CELF2: variants seen among roughly 807,000 people sequenced by gnomAD.
The protein encoded by CELF2 is CUG triplet repeat RNA-binding protein 2.
Under a neutral mutation model 62.6 loss-of-function variants are expected in CELF2, and 8 were observed. That is an observed-to-expected ratio of 0.13 (90% CI 0.07 to 0.23). CELF2 has a LOEUF of 0.23. CELF2 is among the 10% of genes least tolerant of loss of function. The probability of loss-of-function intolerance (pLI) is 1.00; values close to 1 mark genes in which losing one functional copy is unlikely to be tolerated. For synonymous variants in CELF2, 258 were observed against 250.0 expected, an observed-to-expected ratio of 1.03 and a Z score of -0.30; for missense variants, 333 against 671.0, an observed-to-expected ratio of 0.50 and a Z score of 5.56.
the CELF2 span, among the ~76,000 whole-genome samples, chr10:10,516,535 C>T: frequency 6.6e-6 from 1 of 152,062 alleles, no homozygotes; most frequent in South Asian, 2.1e-4. Flanking sequence ...ACAGTCAATT[C>T]GGCAGCACAG....
the CELF2 span, among the ~76,000 whole-genome samples, chr10:10,700,388 A>C: frequency 9.3e-3 from 1,422 of 152,284 alleles, 8 homozygotes; most frequent in East Asian, 0.019. Context: ...GATGCGCCAT[A>C]CCAAAATACA....
intron 1 of CELF2, among the ~76,000 whole-genome samples, chr10:11,151,457 T>C (rs1315195901): frequency 6.6e-6 from 1 of 152,222 alleles, no homozygotes; most frequent in Non-Finnish European, 1.5e-5. Flanking sequence ...TTGTATTGTT[T>C]TTATTTTGTC....
chr10:10,802,738 T>C (rs1467900434), intron 1 of CELF2, among the ~76,000 whole-genome samples: 1 of 152,192 alleles, frequency 6.6e-6, no homozygotes, highest in Admixed American at 6.5e-5. Context: ...TAGAACTCAT[T>C]AGCACTGCAA....
chr10:11,122,707 C>T (rs1411612090), intron 1 of CELF2, among the ~76,000 whole-genome samples: 2 of 152,208 alleles, frequency 1.3e-5, no homozygotes, highest in Non-Finnish European at 2.9e-5. Context: ...GAAAGAAATT[C>T]TCATGCATAA....
chr10:11,268,651 T>G lies in CELF2; in HGVS notation c.618+1974T>G, dbSNP rs1030916200. 6.6e-6 allele frequency among the ~76,000 whole-genome samples: 1 copy of G among 152,152 alleles called. No individual in the cohort carries two copies. The highest frequency in any genetic ancestry group is 2.4e-5 in the African/African-American group (1 of 41,424). Reference sequence around the variant, plus strand: ...CAAATTTGGTGTTTAAAACTGGACATTCATGCTTACACAGAGGGGTCCTCT... The same window carrying G: ...CAAATTTGGTGTTTAAAACTGGACAGTCATGCTTACACAGAGGGGTCCTCT... On this transcript the variant is annotated intron_variant, in intron 6 of 12. Transcript: ENST00000633077. This position sits in a 1 kb window ranked among gnomAD's most constrained non-coding sequence, Gnocchi z 4.7.
chr10:10,483,088 G>A, the CELF2 span, among the ~76,000 whole-genome samples: 1 of 151,864 alleles, frequency 6.6e-6, no homozygotes, highest in Non-Finnish European at 1.5e-5. Context: ...AACCATAAGT[G>A]GTAAAAACTT....
chr10:10,496,270 GACTATT>G, the CELF2 span, among the ~76,000 whole-genome samples: 26 of 152,290 alleles, frequency 1.7e-4, no homozygotes, highest in African/African-American at 5.3e-4. Context: ...ACTGTTGAAA[GACTATT>G]ATATCTAAGC....
intron 3 of CELF2, among the ~76,000 whole-genome samples, chr10:11,245,643 G>C (rs115259844): frequency 6.6e-6 from 1 of 152,188 alleles, no homozygotes; most frequent in South Asian, 2.1e-4. Context: ...AGAGTCTTAC[G>C]GCAGCACAAG....
the CELF2 span, among the ~76,000 whole-genome samples, chr10:10,755,165 A>G: frequency 2.2e-3 from 338 of 152,366 alleles, 2 homozygotes; most frequent in African/African-American, 7.5e-3. Context: ...AAAAATCTCT[A>G]TCTTAGTAGA....
chr10:10,749,741 A>C, the CELF2 span, among the ~76,000 whole-genome samples: 1 of 152,274 alleles, frequency 6.6e-6, no homozygotes, highest in Non-Finnish European at 1.5e-5. Flanking sequence ...AAAGACTGGA[A>C]GCAAATTAGT....
chr10:10,730,837 C>T, the CELF2 span, among the ~76,000 whole-genome samples: 1 of 152,174 alleles, frequency 6.6e-6, no homozygotes, highest in African/African-American at 2.4e-5. Context: ...AGTTGTCCAA[C>T]CCTCTCTCAG....
chr10:10,678,242 T>C, the CELF2 span, among the ~76,000 whole-genome samples: 1 of 152,070 alleles, frequency 6.6e-6, no homozygotes, highest in Non-Finnish European at 1.5e-5. Context: ...TGTTTTATGG[T>C]CAAGAAATTA....
Position 11,302,772 on chromosome 10 carries a change from C to T in CELF2, c.977-11367C>T, listed in dbSNP as rs1476794151. Among the ~76,000 whole-genome samples, 5 of 152,128 alleles carry T rather than the reference C, an allele frequency of 3.3e-5. No individual in the cohort carries two copies. The highest frequency in any genetic ancestry group is 6.5e-5 in the Admixed American group (1 of 15,276). ...TGTATTTATGTCGATCCTTTGTTCT[C>T]GGGTCTCTAAATTGACATGAGATTT... On this transcript the variant is annotated intron_variant, in intron 9 of 12. Coordinates refer to ENST00000633077, the MANE Select transcript of CELF2 (RefSeq NM_001326342.2). This position sits in a 1 kb window ranked among gnomAD's most constrained non-coding sequence, Gnocchi z 5.0.
chr10:10,758,297 G>A, the CELF2 span, among the ~76,000 whole-genome samples: 1 of 152,204 alleles, frequency 6.6e-6, no homozygotes, highest in Non-Finnish European at 1.5e-5. Flanking sequence ...TGGTGTAATA[G>A]ATTAAACTTC....
At chr10:10,762,834 G>A in the CELF2 span, among the ~76,000 whole-genome samples, 1 of 152,178 alleles carries the variant, frequency 6.6e-6, no homozygotes, top group Non-Finnish European at 1.5e-5. Context: ...TTGAGCCCAG[G>A]AGTTTGAGAC....
At chr10:11,131,383 C>T (rs765017859) in intron 1 of CELF2, among the ~76,000 whole-genome samples, 5 of 152,180 alleles carry the variant, frequency 3.3e-5, no homozygotes, top group Non-Finnish European at 4.4e-5. Flanking sequence ...GTAGGACTTC[C>T]GCCCAATGGT....
chr10:11,147,735 C>T (rs2062549825), intron 1 of CELF2, among the ~76,000 whole-genome samples: 1 of 152,124 alleles, frequency 6.6e-6, no homozygotes, highest in Non-Finnish European at 1.5e-5. Context: ...AACGGTTTGC[C>T]GATTTTGTTA....
the CELF2 span, among the ~76,000 whole-genome samples, chr10:10,630,934 A>G: frequency 6.6e-6 from 1 of 152,194 alleles, no homozygotes; most frequent in Non-Finnish European, 1.5e-5. Flanking sequence ...CACAATGTAC[A>G]TTTTTATGCC....
At chr10:10,915,111 G>C (rs529161215) in intron 1 of CELF2, among the ~76,000 whole-genome samples, 1 of 145,806 alleles carries the variant, frequency 6.9e-6, no homozygotes, top group Admixed American at 7.0e-5. Flanking sequence ...CAGCGTGGGC[G>C]ACAGAGTGAA....
Sources: allele counts gnomAD v4.1 joint callset (sites outside exome capture counted in the v4.1 genomes callset), GRCh38; gene constraint gnomAD v4.1.1; non-coding constraint Gnocchi (gnomAD v3.1); transcripts MANE v1.5; gene names NCBI Gene and HGNC (gene_info 2026-07-23, HGNC 2026-07-21).